Variants in COG6 observed in about 807,000 individuals in gnomAD.
The protein encoded by COG6 is conserved oligomeric Golgi complex subunit 6.
Under a neutral mutation model 88.8 loss-of-function variants are expected in COG6, and 74 were observed. That is an observed-to-expected ratio of 0.83 (90% CI 0.69 to 1.01). The LOEUF (loss-of-function observed/expected upper bound fraction) is 1.01. COG6 is among the 50% of genes least tolerant of loss of function. COG6 has a pLI of 0.00. For missense variants in COG6, 800 were observed against 797.9 expected, an observed-to-expected ratio of 1.00 and a Z score of -0.03; for synonymous variants, 286 against 278.7, an observed-to-expected ratio of 1.03 and a Z score of -0.26.
exon 19 of COG6, chr13:39,790,775 T>C (rs1881916338): frequency 6.6e-6 from 1 of 152,098 alleles, no homozygotes; most frequent in South Asian, 2.1e-4. Flanking sequence ...ACCCTAAGTA[T>C]AATTTTAACG....
rs755280233 is a variant in COG6, at chr13:39,659,375, A to C, written c.165A>C (p.Glu55Asp). 6.2e-7 allele frequency: 1 copy of C among 1,613,680 alleles called. No individual in the cohort carries two copies. The highest frequency in any genetic ancestry group is 1.1e-5 in the South Asian group (1 of 91,076). ...TACCAATTGTATAGGAGATGTTAGA[A>C]GCTCTCAAGGCACTTTCAACCTTTT... ...TRLDNDKEML[E>D]ALKALSTFFV... Residue 55 changes from glutamate (E) to aspartate (D), a missense_variant, in exon 2 of 19, where the codon GAA (glutamate) becomes GAC (aspartate). Coordinates refer to ENST00000455146, the MANE Select transcript of COG6 (RefSeq NM_020751.3).
At chr13:39,724,205 C>T (rs1879006769) in intron 16 of COG6, among the ~76,000 whole-genome samples, 1 of 152,012 alleles carries the variant, frequency 6.6e-6, no homozygotes, top group African/African-American at 2.4e-5. Context: ...ACTGTTCAAG[C>T]CTCCATGTGT....
At chr13:39,725,814 T>C (rs1323473613) in intron 17 of COG6, among the ~76,000 whole-genome samples, 3 of 151,868 alleles carry the variant, frequency 2.0e-5, no homozygotes, top group African/African-American at 7.2e-5. Context: ...TAGAAAGTTA[T>C]ATATACACTT....
At chr13:39,719,903 T>A in intron 15 of COG6, 76 bp downstream of exon 15, 1 of 1,179,802 alleles carries the variant, frequency 8.5e-7, no homozygotes, top group Non-Finnish European at 1.2e-6. Flanking sequence ...GTTATTGGCT[T>A]AACTAGTTTT....
chr13:39,740,837 C>T (rs796380684), intron 18 of COG6, among the ~76,000 whole-genome samples: 8 of 152,064 alleles, frequency 5.3e-5, no homozygotes, highest in African/African-American at 1.7e-4. Flanking sequence ...AGGATATTAT[C>T]GTCTTTTCTT....
In COG6 at chr13:39,751,724, A is replaced by G. The variant is rs1171976115; in HGVS notation, c.*631A>G. The G allele has an allele frequency of 2.3e-6, 3 of 1,286,994 alleles. No individual in the cohort carries two copies. The highest frequency in any genetic ancestry group is 3.0e-6 in the Non-Finnish European group (3 of 988,504). The allele number at this position is 1,286,994 out of a possible 1,614,324, so 79.7% of individuals were successfully genotyped here. A position where few individuals can be genotyped will look rare whatever the true frequency, so the allele number is the denominator to read the frequency against. The stretch of plus-strand genomic sequence containing the variant: ...TGTACATTCTTATGCAATTTTAAGT[A>G]TACACTCAGCAATAATTAGAAAAAA... On this transcript the variant is annotated 3_prime_UTR_variant, in exon 19 of 19. Transcript: ENST00000455146.
rs79283555 is a variant in COG6 at position 39,739,568 on chromosome 13, A to G, written c.1827-11378A>G. The stretch of plus-strand genomic sequence containing the variant: ...AAAAATCAAACATTCCATTGCATCA[A>G]GAGAGGAAACACTATAGCCAAAGCA... On this transcript the variant is annotated intron_variant, in intron 18 of 18. Transcript: ENST00000455146. 2.6e-3 allele frequency among the ~76,000 whole-genome samples: 394 copies of G among 152,272 alleles called. 2 individuals are homozygous for G. The highest frequency in any genetic ancestry group is 4.3e-3 in the Non-Finnish European group (295 of 67,964).
At chr13:39,752,730 C>T (rs541036560), downstream of COG6, 1,742 of 1,047,012 alleles carry the variant, frequency 1.7e-3, 3 homozygotes, top group Non-Finnish European at 1.9e-3. Flanking sequence ...TAGGGCAAAA[C>T]TGAGGTAATC....
downstream of COG6, among the ~76,000 whole-genome samples, chr13:39,757,388 A>G (rs369904081): frequency 2.6e-5 from 4 of 152,232 alleles, no homozygotes; most frequent in Admixed American, 6.5e-5. Context: ...AACCTAATCA[A>G]TAACCTTAAG....
intron 12 of COG6, 138 bp downstream of exon 12, chr13:39,694,863 C>G (rs1877178853): frequency 1.8e-6 from 1 of 553,794 alleles, no homozygotes; most frequent in Non-Finnish European, 3.3e-6. Flanking sequence ...GTAGGACTTC[C>G]ACACCATGTA....
chr13:39,691,982 G>C (rs899223215), intron 11 of COG6, among the ~76,000 whole-genome samples: 1 of 130,032 alleles, frequency 7.7e-6, no homozygotes, highest in African/African-American at 2.8e-5. Context: ...AACATAAAAG[G>C]TTATAGTGGT....
At chr13:39,698,906 G>C (rs1015470253) in intron 12 of COG6, among the ~76,000 whole-genome samples, 1 of 151,738 alleles carries the variant, frequency 6.6e-6, no homozygotes. Context: ...CTAAGAAATA[G>C]CCTTATACAA....
Position 39,734,625 on chromosome 13 carries a change from A to C in COG6, c.1826+7077A>C, listed in dbSNP as rs183464713. On this transcript the variant is annotated intron_variant, in intron 18 of 18. Coordinates refer to ENST00000455146, the MANE Select transcript of COG6 (RefSeq NM_020751.3). ...TATTGATTAGGTGCATTTGGTCTGT[A>C]GTGCAGATTAAGTCCAATATTTCTT... is the stretch of plus-strand genomic sequence containing the variant. 2.8e-3 allele frequency among the ~76,000 whole-genome samples: 420 copies of C among 152,258 alleles called. 4 individuals carry two copies. Among genetic ancestry groups the C allele is most frequent in the Non-Finnish European group, 2.0e-3 (136 of 68,006 alleles).
At chr13:39,717,760 A>G (rs79869116) in intron 13 of COG6, among the ~76,000 whole-genome samples, 9,011 of 152,138 alleles carry the variant, frequency 0.059, 379 homozygotes, top group Non-Finnish European at 0.094. Flanking sequence ...AGCTGTTAAT[A>G]CTTGGGAAAC....
chr13:39,719,295 G>A lies in COG6; in HGVS notation c.1344G>A (p.Leu448=), dbSNP rs769617867. The stretch of plus-strand genomic sequence containing the variant: ...CTGCACTAAATCAGACACTCATGTT[G>A]CTGCGTGAAGTTTTAGCATCTCACG... The part of the protein sequence containing the change: ...PSSALNQTLM[L]LREVLASHDS... The change falls in exon 14 of 19, where the codon TTG becomes TTA. Residue 448 remains leucine, a synonymous_variant. Transcript: ENST00000455146. 2 of 1,612,808 alleles carry A rather than the reference G, an allele frequency of 1.2e-6. No individual in the cohort carries two copies. The highest frequency in any genetic ancestry group is 3.3e-5 in the Admixed American group (2 of 59,884).
At chr13:39,663,075 G>A (rs1156381489) in intron 3 of COG6, among the ~76,000 whole-genome samples, 2 of 117,010 alleles carry the variant, frequency 1.7e-5, no homozygotes, top group African/African-American at 3.0e-5. Context: ...GGTTTTCCTT[G>A]CATATGTTTA....
chr13:39,743,441 A>G (rs1880160657), intron 18 of COG6, among the ~76,000 whole-genome samples: 2 of 152,224 alleles, frequency 1.3e-5, no homozygotes, highest in Admixed American at 1.3e-4. Flanking sequence ...GATACCACAG[A>G]CATACAAACT....
chr13:39,665,111 A>ACT lies in COG6; in HGVS notation c.387_388dup (p.Gln130LeufsTer4). The ACT allele has an allele frequency of 6.7e-7, 1 of 1,491,336 alleles. No homozygotes were observed. Among genetic ancestry groups the ACT allele is most frequent in the South Asian group, 1.1e-5 (1 of 87,916 alleles). 92.4% of individuals were successfully genotyped at this position (1,491,336 alleles called of 1,614,324 possible). A position where few individuals can be genotyped will look rare whatever the true frequency, so the allele number is the denominator to read the frequency against. On this transcript the variant is annotated frameshift_variant, in exon 4 of 19. Transcript: ENST00000455146. LOFTEE classifies it high-confidence loss of function. ...ATAATTTTAGGCAGCAAAGGAACAG[A>ACT]CTCAAGATTTAATAGTAAAAACCAC...
chr13:39,743,974 A>G (rs181237745), intron 18 of COG6, among the ~76,000 whole-genome samples: 1 of 152,292 alleles, frequency 6.6e-6, no homozygotes, highest in African/African-American at 2.4e-5. Flanking sequence ...AACATAACCT[A>G]TCATATAAAC....
Sources: allele counts gnomAD v4.1 joint callset (sites outside exome capture counted in the v4.1 genomes callset), GRCh38; gene constraint gnomAD v4.1.1; transcripts MANE v1.5; gene names NCBI Gene and HGNC (gene_info 2026-07-23, HGNC 2026-07-21).